Variants in ZNF208 observed in about 807,000 individuals in gnomAD.
ZNF208 encodes zinc finger protein 208.
ZNF208 carries 10 observed loss-of-function variants against 12.1 expected under a neutral mutation model. That is an observed-to-expected ratio of 0.83 (90% CI 0.51 to 1.40). ZNF208 has a LOEUF of 1.40. Ranked by LOEUF, ZNF208 falls within the 40% of genes most tolerant of loss-of-function variation. The pLI is 0.00. For missense variants in ZNF208, 1,652 were observed against 1,485.0 expected, an observed-to-expected ratio of 1.11 and a Z score of -1.85; for synonymous variants, 497 against 488.4, an observed-to-expected ratio of 1.02 and a Z score of -0.23.
chr19:21,985,880 T>C (rs1444084788), intron 3 of ZNF208, among the ~76,000 whole-genome samples: 1 of 152,196 alleles, frequency 6.6e-6, no homozygotes, highest in African/African-American at 2.4e-5. Context: ...AAGCCCACCA[T>C]ACGCAGACCT....
chr19:21,993,062 C>G (rs1466674422), intron 1 of ZNF208, among the ~76,000 whole-genome samples: 1 of 152,178 alleles, frequency 6.6e-6, no homozygotes, highest in Non-Finnish European at 1.5e-5. Context: ...ACAGGTCTAC[C>G]TGCTGTCACC....
intron 1 of ZNF208, among the ~76,000 whole-genome samples, chr19:21,993,735 G>T (rs1970780309): frequency 6.7e-6 from 1 of 149,294 alleles, no homozygotes; most frequent in African/African-American, 2.5e-5. Flanking sequence ...CTTACACGCA[G>T]CACTCTTGTC....
At chr19:21,952,778 G>A (rs570583587) in intron 4 of ZNF208, among the ~76,000 whole-genome samples, 1 of 152,322 alleles carries the variant, frequency 6.6e-6, no homozygotes, top group East Asian at 1.9e-4. Flanking sequence ...AAGGATGACA[G>A]CTCCTCACCA....
At chr19:21,976,518 A>G (rs1424695306) in intron 3 of ZNF208, among the ~76,000 whole-genome samples, 2 of 152,222 alleles carry the variant, frequency 1.3e-5, no homozygotes, top group African/African-American at 4.8e-5. Context: ...ATTTAAATAT[A>G]TGGAAAGTTA....
Position 21,974,192 on chromosome 19 carries a change from C to A in ZNF208, c.842G>T (p.Gly281Val), listed in dbSNP as rs746126229. Residue 281 changes from glycine (G) to valine (V), a missense_variant, in exon 4 of 4, where the codon GGA becomes GTA. Around this residue, in one of 3 missense-constraint regions of ZNF208, gnomAD observed 410 missense variants for 378.2 expected, o/e 1.08. Coordinates refer to ENST00000397126, the MANE Select transcript of ZNF208 (RefSeq NM_007153.3). ...ILTKHKIIHT[G>V]EKPNKCEECG... ...TTCTTCACATTTGTTGGGTTTCTCT[C>A]CAGTATGAATTATCTTATGTTTAGT... The A allele has an allele frequency of 1.0e-5, 16 of 1,602,946 alleles. 1 individual carries two copies. The highest frequency in any genetic ancestry group is 1.4e-5 in the Non-Finnish European group (16 of 1,171,240).
intron 1 of ZNF208, 67 bp downstream of exon 1, chr19:22,010,725 A>C: frequency 6.2e-7 from 1 of 1,613,780 alleles, no homozygotes. Flanking sequence ...GTCCCGCCAC[A>C]GCCACTTCCC....
intron 4 of ZNF208, among the ~76,000 whole-genome samples, chr19:21,947,615 C>G (rs1475749608): frequency 6.6e-6 from 1 of 152,176 alleles, no homozygotes; most frequent in African/African-American, 2.4e-5. Context: ...CAACTTTCAA[C>G]AGCTGGAAGA....
chr19:21,989,794 A>G (rs1157031977), intron 1 of ZNF208, among the ~76,000 whole-genome samples: 1 of 152,122 alleles, frequency 6.6e-6, no homozygotes, highest in African/African-American at 2.4e-5. Context: ...GTGAGATGGT[A>G]TCTCATTGTG....
At chr19:21,991,867 G>A (rs1970743451) in intron 1 of ZNF208, 1 of 151,864 alleles carries the variant, frequency 6.6e-6, no homozygotes, top group African/African-American at 2.4e-5. Context: ...TGTACAACAA[G>A]CTAGAGATCC....
intron 1 of ZNF208, among the ~76,000 whole-genome samples, chr19:22,009,073 A>G (rs937650056): frequency 5.9e-5 from 9 of 152,192 alleles, no homozygotes; most frequent in Admixed American, 4.6e-4. Context: ...TTGACCCAAA[A>G]CATTCTGATA....
intron 4 of ZNF208, among the ~76,000 whole-genome samples, chr19:21,958,335 A>G (rs890984387): frequency 1.3e-5 from 2 of 152,186 alleles, no homozygotes; most frequent in African/African-American, 4.8e-5. Flanking sequence ...CAGCTCATCA[A>G]AAAAAGATAG....
Position 21,951,505 on chromosome 19 carries a change from T to G in ZNF208, c.306-18268A>C, listed in dbSNP as rs1969887347. The stretch of plus-strand genomic sequence containing the variant: ...AATTTTTGAAATACCAAAAAATTAA[T>G]TTTGCAAAAGAATACTCTGTGTAAA... On this transcript the variant is annotated intron_variant, in intron 4 of 4. Coordinates refer to the ZNF208 transcript ENST00000599916. Among the ~76,000 whole-genome samples the G allele has an allele frequency of 2.6e-5, 4 of 152,318 alleles. No homozygotes were observed. The South Asian group carries it at 8.3e-4, about 32-fold the overall frequency.
intron 1 of ZNF208, among the ~76,000 whole-genome samples, chr19:22,001,852 C>T (rs1289239827): frequency 7.6e-6 from 1 of 130,852 alleles, no homozygotes; most frequent in Non-Finnish European, 1.6e-5. Context: ...AAGATTGCAC[C>T]ACTACACTCC....
intron 4 of ZNF208, among the ~76,000 whole-genome samples, chr19:21,941,790 G>A (rs758388278): frequency 5.9e-5 from 9 of 151,934 alleles, no homozygotes; most frequent in Non-Finnish European, 1.3e-4. Flanking sequence ...TTATTTATCC[G>A]TACATACACA....
intron 1 of ZNF208, among the ~76,000 whole-genome samples, chr19:21,999,946 G>A (rs565595244): frequency 1.3e-5 from 2 of 152,132 alleles, no homozygotes; most frequent in Admixed American, 6.5e-5. Context: ...ACAAGTTCTT[G>A]AACTCTTGGA....
At chr19:21,949,498 A>G (rs1465840798) in intron 4 of ZNF208, among the ~76,000 whole-genome samples, 1 of 152,118 alleles carries the variant, frequency 6.6e-6, no homozygotes, top group Non-Finnish European at 1.5e-5. Flanking sequence ...AACTCTGGGT[A>G]CCTAGGAATG....
At chr19:22,010,361 AT>A (rs1291503084) in intron 1 of ZNF208, among the ~76,000 whole-genome samples, 1 of 152,176 alleles carries the variant, frequency 6.6e-6, no homozygotes, top group Non-Finnish European at 1.5e-5. Context: ...TCACTCTTTG[AT>A]TAAATTCTTT....
chr19:21,996,160 C>T (rs1317058229), intron 1 of ZNF208, among the ~76,000 whole-genome samples: 1 of 152,078 alleles, frequency 6.6e-6, no homozygotes, highest in African/African-American at 2.4e-5. Context: ...TGAACATAAG[C>T]AGACAGTTTA....
intron 1 of ZNF208, among the ~76,000 whole-genome samples, chr19:21,996,931 G>A (rs1970846515): frequency 6.6e-6 from 1 of 152,188 alleles, no homozygotes; most frequent in Non-Finnish European, 1.5e-5. Flanking sequence ...TGCATATTTA[G>A]GGTACAGCAT....
Sources: allele counts gnomAD v4.1 joint callset (sites outside exome capture counted in the v4.1 genomes callset), GRCh38; gene constraint gnomAD v4.1.1; regional missense constraint gnomAD v4.1.1; transcripts MANE v1.5; gene names NCBI Gene and HGNC (gene_info 2026-07-23, HGNC 2026-07-21).